The following TSPEAR variants were observed in gnomAD, a reference collection of about 807,000 sequenced individuals.
TSPEAR encodes thrombospondin-type laminin G domain and EAR repeat-containing protein.
TSPEAR carries 69 observed loss-of-function variants against 71.6 expected under a neutral mutation model. That is an observed-to-expected ratio of 0.96 (90% CI 0.79 to 1.18). TSPEAR has a LOEUF of 1.18. TSPEAR is among the 50% of genes most tolerant of loss of function. The pLI is 0.00. For synonymous variants in TSPEAR, 402 were observed against 387.2 expected (o/e 1.04, Z -0.45); for missense variants, 971 against 894.9 (o/e 1.09, Z -1.09).
At chr21:44,697,034 ACTCCCTCCCTCCT>A in intron 1 of TSPEAR, 2 of 900,568 alleles carry the variant, frequency 2.2e-6, no homozygotes, top group Non-Finnish European at 3.2e-6. Context: ...ACGCTCACTC[ACTCCCTCCCTCCT>A]GCCCATCCAG....
intron 2 of TSPEAR, among the ~76,000 whole-genome samples, chr21:44,538,518 C>T (rs374470973): frequency 1.3e-5 from 2 of 151,922 alleles, no homozygotes; most frequent in African/African-American, 4.8e-5. Context: ...TTGTTCCCAT[C>T]GAGTCCCTTG....
chr21:44,591,757 C>A (rs782699928), intron 1 of TSPEAR: 1 of 1,599,480 alleles, frequency 6.3e-7, no homozygotes, highest in South Asian at 1.1e-5. Context: ...ATCCTCAGAG[C>A]AGGTGGGCAC....
Position 44,697,710 on chromosome 21 carries a change from C to T in TSPEAR, c.82+13723G>A, listed in dbSNP as rs1279159497. On this transcript the variant is annotated intron_variant, in intron 1 of 11. Coordinates refer to ENST00000323084, the MANE Select transcript of TSPEAR (RefSeq NM_144991.3). ...TGTGTGCCTGTCTGCTCTGGGGCCTCCTCTCTGTGCTGCCAGCAGTCTAGC... is the reference window on the plus strand; with the variant it reads ...TGTGTGCCTGTCTGCTCTGGGGCCTTCTCTCTGTGCTGCCAGCAGTCTAGC... 3.7e-6 allele frequency: 6 copies of T among 1,613,256 alleles called. No homozygotes were observed. In the East Asian group the frequency reaches 6.7e-5, roughly 18 times the overall value.
chr21:44,654,208 T>A, intron 1 of TSPEAR: 1 of 1,305,196 alleles, frequency 7.7e-7, no homozygotes, highest in Non-Finnish European at 1.1e-6. Context: ...GGGGACTGCC[T>A]GGCAGGAGTT....
At chr21:44,571,759 G>T (rs1555922548) in intron 1 of TSPEAR, among the ~76,000 whole-genome samples, 2 of 152,216 alleles carry the variant, frequency 1.3e-5, no homozygotes, top group African/African-American at 4.8e-5. Context: ...GATCATATTG[G>T]ATTATAGCTC....
At chr21:44,599,589 A>G (rs1239146167) in intron 1 of TSPEAR, among the ~76,000 whole-genome samples, 1 of 152,238 alleles carries the variant, frequency 6.6e-6, no homozygotes, top group African/African-American at 2.4e-5. Flanking sequence ...TCACATTCTC[A>G]GCACCTGGTG....
At chr21:44,654,998 G>A (rs144961226) in intron 1 of TSPEAR, among the ~76,000 whole-genome samples, 1,754 of 152,202 alleles carry the variant, frequency 0.012, 48 homozygotes, top group African/African-American at 0.04. Flanking sequence ...CAGGGGCCCC[G>A]TTTTGACTGA....
intron 1 of TSPEAR, among the ~76,000 whole-genome samples, chr21:44,639,415 C>T (rs587597898): frequency 1.3e-5 from 2 of 152,224 alleles, no homozygotes; most frequent in African/African-American, 2.4e-5. Context: ...GGAGTCCCAC[C>T]CCACAGAGCT....
At chr21:44,702,672 T>C (rs1328767667) in intron 1 of TSPEAR, 24 of 1,557,850 alleles carry the variant, frequency 1.5e-5, no homozygotes, top group East Asian at 6.8e-5. Context: ...TCCCCTCCTG[T>C]TGTGCACCCG....
chr21:44,534,086 G>A (rs1028737364), intron 2 of TSPEAR, among the ~76,000 whole-genome samples, 163 bp from the exon 3 acceptor site: 1 of 139,508 alleles, frequency 7.2e-6, no homozygotes, highest in Non-Finnish European at 1.5e-5. Context: ...AGGGCAGGGT[G>A]GATAGGGGCC....
chr21:44,698,112 T>G, intron 1 of TSPEAR: 1 of 800,392 alleles, frequency 1.2e-6, no homozygotes, highest in Non-Finnish European at 2.0e-6. Context: ...GGGCTCCTGC[T>G]AAGCTCCAGA....
chr21:44,666,400 G>T (rs1985760531), intron 1 of TSPEAR: 1 of 1,546,206 alleles, frequency 6.5e-7, no homozygotes, highest in Non-Finnish European at 8.7e-7. Flanking sequence ...GAGTGTACAG[G>T]TGTGGCCTCA....
At chr21:44,521,573 G>C (rs782694969) in intron 9 of TSPEAR, among the ~76,000 whole-genome samples, 4 of 151,224 alleles carry the variant, frequency 2.6e-5, no homozygotes, top group Non-Finnish European at 5.9e-5. Context: ...TTCTGAGCCC[G>C]GGGGCTGCTT....
intron 2 of TSPEAR, among the ~76,000 whole-genome samples, chr21:44,537,149 TA>T (rs1212812761): frequency 3.9e-5 from 6 of 152,174 alleles, no homozygotes; most frequent in African/African-American, 1.4e-4. Flanking sequence ...TATAGTAGTT[TA>T]AAAAATACTG....
At chr21:44,689,127 G>A (rs1555949347) in intron 1 of TSPEAR, among the ~76,000 whole-genome samples, 1 of 152,184 alleles carries the variant, frequency 6.6e-6, no homozygotes, top group East Asian at 1.9e-4. Context: ...CAGGAGGGAA[G>A]CCAGCGGCAC....
At chr21:44,704,389 C>T (rs550661317) in intron 1 of TSPEAR, among the ~76,000 whole-genome samples, 2 of 152,322 alleles carry the variant, frequency 1.3e-5, no homozygotes, top group African/African-American at 2.4e-5. Context: ...CATTATCAGC[C>T]TCCTTCTAGC....
chr21:44,648,223 T>C (rs1317489804), intron 1 of TSPEAR, among the ~76,000 whole-genome samples: 1 of 152,120 alleles, frequency 6.6e-6, no homozygotes, highest in African/African-American at 2.4e-5. Context: ...ACCTTATCGA[T>C]GAACCCTTAG....
chr21:44,510,993 C>G (rs964311221), intron 9 of TSPEAR: 2 of 152,220 alleles, frequency 1.3e-5, no homozygotes, highest in Non-Finnish European at 2.9e-5. Context: ...CAGGGCCACC[C>G]CACGTCCTTC....
intron 1 of TSPEAR, among the ~76,000 whole-genome samples, chr21:44,569,593 C>G (rs1272776059): frequency 6.6e-6 from 1 of 152,126 alleles, no homozygotes; most frequent in African/African-American, 2.4e-5. Context: ...GGAGGGAGCA[C>G]AGTGAAGAAA....
Sources: gnomAD v4.1 joint callset for allele counts (sites outside exome capture counted in the v4.1 genomes callset) on GRCh38, gnomAD v4.1.1 for gene constraint, MANE v1.5 for transcripts, NCBI Gene and HGNC (gene_info 2026-07-23, HGNC 2026-07-21) for gene names.